The following RPGR variants were observed in gnomAD, a reference collection of about 807,000 sequenced individuals.
RPGR encodes retinitis pigmentosa GTPase regulator.
In RPGR, 10 loss-of-function variants were observed where a neutral mutation model predicts 56.3. The ratio of observed to expected loss-of-function variants is 0.18; its 90% CI spans 0.11 to 0.30. The LOEUF (loss-of-function observed/expected upper bound fraction) is 0.30. Ranked by LOEUF, RPGR falls within the 10% of genes least tolerant of loss-of-function variation. The pLI, the probability that RPGR is intolerant of heterozygous loss-of-function variation, is 1.00. For synonymous variants in RPGR, 197 were observed against 212.9 expected, an observed-to-expected ratio of 0.93 and a Z score of 0.65; for missense variants, 538 against 590.9, an observed-to-expected ratio of 0.91 and a Z score of 0.93.
rs1235791633 is a variant in RPGR, at chrX:38,285,848, C to T, written c.1905+1246G>A. On this transcript the variant is annotated intron_variant, in intron 15 of 18. Transcript: ENST00000642395. ...CTGTTCCTCCTGTTTTCTTCTCCTT[C>T]CCCCTCCTTTTCCCTTTCTTCTCCT... 8.3e-7 allele frequency: 1 copy of T among 1,204,256 alleles called. No homozygotes were observed. Among genetic ancestry groups the T allele is most frequent in the Non-Finnish European group, 1.1e-6 (1 of 893,427 alleles).
At chrX:38,317,213 C>T (rs774415945) in intron 6 of RPGR, 103 bp downstream of exon 6, 10 of 844,124 alleles carry the variant, frequency 1.2e-5, no homozygotes, top group Non-Finnish European at 1.6e-5. Flanking sequence ...CATGGACAAC[C>T]ATGGCATTAT....
chrX:38,314,743 G>A (rs2067785458), intron 6 of RPGR, among the ~76,000 whole-genome samples: 1 of 111,736 alleles, frequency 8.9e-6, no homozygotes, highest in African/African-American at 3.2e-5. Flanking sequence ...ACACGAACAT[G>A]AGCATTTAAA....
At chrX:38,325,964 C>T (rs1490472659) in intron 1 of RPGR, 2 of 111,603 alleles carry the variant, frequency 1.8e-5, no homozygotes, top group Admixed American at 9.5e-5. Flanking sequence ...GAAAACATAG[C>T]GAATATAAGT....
chrX:38,303,698 G>A (rs1485502354), intron 8 of RPGR: 1 of 294,290 alleles, frequency 3.4e-6, no homozygotes, highest in African/African-American at 2.7e-5. Context: ...CATCTTCTCT[G>A]AAAGCTTCTT....
chrX:38,269,845 CCACA>C lies in RPGR; in HGVS notation c.2242-17_2242-14del, dbSNP rs1284221107. ...TGAACAGAAAAATCTAGGAAAAAAA[CCACA>C]CACACAAATATTCATTTCCATAAGT... On this transcript the variant is annotated splice_polypyrimidine_tract_variant and intron_variant, in intron 18 of 18. Coordinates refer to ENST00000642395, the MANE Select transcript of RPGR (RefSeq NM_000328.3). The C allele has an allele frequency of 9.1e-7, 1 of 1,102,714 alleles. No individual in the cohort carries two copies. Among genetic ancestry groups the C allele is most frequent in the East Asian group, 3.0e-5 (1 of 33,321 alleles). 90.9% of individuals were successfully genotyped at this position (1,102,714 alleles called of 1,213,427 possible). A position where few individuals can be genotyped will look rare whatever the true frequency, so the allele number is the denominator to read the frequency against.
chrX:38,273,299 A>T, intron 18 of RPGR: 1 of 732,298 alleles, frequency 1.4e-6, no homozygotes, highest in Non-Finnish European at 2.1e-6. Flanking sequence ...TCATATTAAG[A>T]GAGTTAAATT....
At position 38,275,128 on chromosome X, in the gene RPGR, C is replaced by T; in HGVS notation, c.2110G>A (p.Glu704Lys). ...TTGTACTCACAAATGGCCCGTTCCT[C>T]TAGGTTGGCTTTTTCTTTCTATAAA... Residue 704 changes from glutamate to lysine, a missense_variant, in exon 17 of 19, where the codon GAG becomes AAG. Around this residue, in one of 2 missense-constraint regions of RPGR, gnomAD observed 357 missense variants for 325.8 expected, o/e 1.10. Coordinates refer to ENST00000642395, the MANE Select transcript of RPGR (RefSeq NM_000328.3). The T allele has an allele frequency of 8.3e-7, 1 of 1,210,108 alleles. No homozygotes were observed. The highest frequency in any genetic ancestry group is 1.8e-5 in the South Asian group (1 of 56,910).
At chrX:38,297,174 C>A (rs2067399651) in intron 11 of RPGR, 110 bp downstream of exon 11, 2 of 830,817 alleles carry the variant, frequency 2.4e-6, no homozygotes, top group South Asian at 2.2e-5. Flanking sequence ...AGGCTCTAAC[C>A]AGGGAGAGAA....
chrX:38,309,167 ATTTC>A (rs2067661363), intron 7 of RPGR, among the ~76,000 whole-genome samples: 1 of 112,266 alleles, frequency 8.9e-6, no homozygotes, highest in Non-Finnish European at 1.9e-5. Context: ...TAGTGAGTAT[ATTTC>A]AATACAGTGA....
intron 15 of RPGR, among the ~76,000 whole-genome samples, chrX:38,278,466 C>A (rs1239722221): frequency 1.8e-5 from 2 of 112,319 alleles, no homozygotes; most frequent in South Asian, 3.7e-4. Context: ...GCCTCAAACT[C>A]CTGACTTCAG....
intron 6 of RPGR, among the ~76,000 whole-genome samples, chrX:38,313,021 C>A (rs1371598674): frequency 1.8e-5 from 2 of 110,018 alleles, no homozygotes; most frequent in African/African-American, 3.4e-5. Flanking sequence ...TCCCTAACCT[C>A]TAAACAAACA....
chrX:38,323,049 C>A lies in RPGR; in HGVS notation c.155-104G>T, dbSNP rs1228569670. 5 of 639,215 alleles carry A rather than the reference C, an allele frequency of 7.8e-6. No homozygotes were observed. In the East Asian group the frequency reaches 1.7e-4, roughly 22 times the overall value. The allele number at this position is 639,215 out of a possible 1,213,427, so 52.7% of individuals were successfully genotyped here. On this transcript the variant is annotated intron_variant, in intron 2 of 18. Coordinates refer to ENST00000642395, the MANE Select transcript of RPGR (RefSeq NM_000328.3). ...AAGCTATACTTTTAAAATGTCACTG[C>A]TTTTCTGTGTTGAAATAAGTTACCT...
Position 38,275,136 on chromosome X carries a change from G to A in RPGR, c.2102C>T (p.Ala701Val), listed in dbSNP as rs768757205. ...ACAAATGGCCCGTTCCTCTAGGTTG[G>A]CTTTTTCTTTCTATAAACAATAACA... Residue 701 changes from alanine to valine, a missense_variant, in exon 17 of 19, where the codon GCC becomes GTC. Coordinates refer to ENST00000642395, the MANE Select transcript of RPGR (RefSeq NM_000328.3). The A allele has an allele frequency of 1.7e-6, 2 of 1,208,065 alleles. No homozygotes were observed. The highest frequency in any genetic ancestry group is 2.2e-6 in the Non-Finnish European group (2 of 892,609).
chrX:38,299,419 A>C (rs1211361358), intron 9 of RPGR, among the ~76,000 whole-genome samples: 1 of 112,494 alleles, frequency 8.9e-6, no homozygotes, highest in Non-Finnish European at 1.9e-5. Flanking sequence ...AAAATAATAT[A>C]GAGAAAAAAA....
At chrX:38,291,979 C>G (rs1265042553) in intron 11 of RPGR, among the ~76,000 whole-genome samples, 1 of 111,698 alleles carries the variant, frequency 9.0e-6, no homozygotes, top group Non-Finnish European at 1.9e-5. Context: ...CTCTTGCTCT[C>G]TCTCTCTCCC....
intron 7 of RPGR, chrX:38,307,981 C>A (rs1173852776): frequency 1.8e-5 from 2 of 111,980 alleles, no homozygotes; most frequent in Non-Finnish European, 3.8e-5. Flanking sequence ...TATTGGTTCT[C>A]ATAATTTTTT....
intron 11 of RPGR, 52 bp downstream of exon 11, chrX:38,297,232 C>A (rs1277906563): frequency 8.9e-7 from 1 of 1,125,451 alleles, no homozygotes; most frequent in East Asian, 3.0e-5. Flanking sequence ...ATAAAAACTA[C>A]AGGAATAAAA....
At chrX:38,287,404 A>G in intron 14 of RPGR, 159 bp from the exon 15 acceptor site, 6 of 851,709 alleles carry the variant, frequency 7.0e-6, no homozygotes, top group Non-Finnish European at 1.0e-5. Context: ...ACTAAATTCT[A>G]TTGCCTCAGG....
chrX:38,278,787 G>C (rs2066979927), intron 15 of RPGR, among the ~76,000 whole-genome samples: 1 of 112,220 alleles, frequency 8.9e-6, no homozygotes, highest in Non-Finnish European at 1.9e-5. Context: ...GGATCAGTGA[G>C]CTGTGTTCCC....
Sources: gnomAD v4.1 joint callset for allele counts (sites outside exome capture counted in the v4.1 genomes callset) on GRCh38, gnomAD v4.1.1 for gene constraint, gnomAD v4.1.1 regional missense constraint, MANE v1.5 for transcripts, NCBI Gene and HGNC (gene_info 2026-07-23, HGNC 2026-07-21) for gene names.